Variants in VAV2 observed in about 807,000 individuals in gnomAD.
VAV2 encodes the protein guanine nucleotide exchange factor VAV2.
Under a neutral mutation model 132.5 loss-of-function variants are expected in VAV2, and 67 were observed. The observed-to-expected ratio is 0.51, with a 90% CI of 0.42 to 0.62. The LOEUF (loss-of-function observed/expected upper bound fraction) is 0.62. Ranked by LOEUF, VAV2 falls within the 20% of genes least tolerant of loss-of-function variation. The pLI is 0.00. For synonymous variants in VAV2, 492 were observed against 443.5 expected, an observed-to-expected ratio of 1.11 and a Z score of -1.37; for missense variants, 938 against 1,153.6, an observed-to-expected ratio of 0.81 and a Z score of 2.71.
At chr9:133,902,901 C>T (rs2132017634) in intron 2 of VAV2, among the ~76,000 whole-genome samples, 1 of 151,980 alleles carries the variant, frequency 6.6e-6, no homozygotes, top group East Asian at 1.9e-4. Flanking sequence ...CGTGGTAAAA[C>T]CCCATCTCTA....
At chr9:133,878,486 C>T (rs1048105532) in intron 2 of VAV2, among the ~76,000 whole-genome samples, 2 of 152,292 alleles carry the variant, frequency 1.3e-5, no homozygotes, top group African/African-American at 4.8e-5. Context: ...ATGGGGGCAG[C>T]GGCACCCGCA....
intron 4 of VAV2, among the ~76,000 whole-genome samples, chr9:133,827,605 T>C (rs12350327): frequency 0.071 from 842 of 11,938 alleles, 102 homozygotes; most frequent in African/African-American, 0.15. Flanking sequence ...CGCCAGCTAC[T>C]GCTGTGCCCA....
chr9:133,920,718 T>C (rs608968), intron 2 of VAV2, among the ~76,000 whole-genome samples: 69,813 of 151,834 alleles, frequency 0.46, 17,557 homozygotes, highest in African/African-American at 0.66. Context: ...GGGGATGCTG[T>C]CTGTCACTGT....
At position 133,776,042 on chromosome 9, in the gene VAV2, G is replaced by A. The variant is rs1233249694; in HGVS notation, c.2004C>T (p.Tyr668=). 1.2e-6 allele frequency: 2 copies of A among 1,613,150 alleles called. No individual in the cohort carries two copies. The highest frequency in any genetic ancestry group is 2.2e-5 in the East Asian group (1 of 44,852). ...ISRPPSREID[Y]TAYPWFAGNM... is the part of the protein sequence containing the mutation. ...GATCCACTCACCAGGGGTATGCAGT[G>A]TAGTCGATCTCCCGGGATGGCGGCC... is the stretch of plus-strand genomic sequence containing the variant. The change falls in exon 24 of 30, where the codon TAC becomes TAT. Residue 668 remains tyrosine (Y), a synonymous_variant. Transcript: ENST00000371850.
At chr9:133,853,842 A>G (rs1027278998) in intron 3 of VAV2, among the ~76,000 whole-genome samples, 13 of 152,070 alleles carry the variant, frequency 8.5e-5, no homozygotes, top group Non-Finnish European at 4.4e-5. Flanking sequence ...AGAACCTGCA[A>G]CCAAGCCCCA....
At chr9:133,806,809 C>T (rs1182341261) in intron 8 of VAV2, among the ~76,000 whole-genome samples, 1 of 152,244 alleles carries the variant, frequency 6.6e-6, no homozygotes, top group African/African-American at 2.4e-5. Context: ...GAAGCCCACC[C>T]ATGCACGGCT....
chr9:133,891,873 C>T (rs1258568822), intron 2 of VAV2, among the ~76,000 whole-genome samples: 6 of 52,840 alleles, frequency 1.1e-4, no homozygotes, highest in Middle Eastern at 0.01. Flanking sequence ...GGAGGGGAGG[C>T]ATGGGGATGG....
rs148881584 is a variant in VAV2 at position 133,964,340 on chromosome 9, A to G, written c.205-25121T>C. On this transcript the variant is annotated intron_variant, in intron 1 of 29. Transcript: ENST00000371850. ...TATATATATACACATATGTATATAC[A>G]CACACACACAAATACATGTATTTAC... Among the ~76,000 whole-genome samples the G allele has an allele frequency of 3.6e-3, 540 of 151,362 alleles. 6 individuals are homozygous for G. The highest frequency in any genetic ancestry group is 0.012 in the African/African-American group (507 of 41,366).
At position 133,989,354 on chromosome 9, in the gene VAV2, AC is replaced by A. The variant is rs1340197717; in HGVS notation, c.204+2720del. 3.6e-3 allele frequency among the ~76,000 whole-genome samples: 479 copies of A among 134,898 alleles called. 7 individuals carry two copies. Among genetic ancestry groups the A allele is most frequent in the African/African-American group, 9.5e-3 (342 of 35,968 alleles). 88.5% of individuals were successfully genotyped at this position (134,898 alleles called of 152,430 possible). ...AACTCCATCTCAAAAAAAAAAAAAA[AC>A]AAAAAATACAAAAAATTAGCCGGGC... On this transcript the variant is annotated intron_variant, in intron 1 of 29. Transcript: ENST00000371850.
chr9:133,931,409 C>CG (rs1044044215), intron 2 of VAV2, among the ~76,000 whole-genome samples: 1 of 151,860 alleles, frequency 6.6e-6, no homozygotes, highest in Non-Finnish European at 1.5e-5. Flanking sequence ...AGGGGGCCCC[C>CG]CTCCTGCAGG....
Position 133,969,859 on chromosome 9 carries a change from A to G in VAV2, c.204+22216T>C, listed in dbSNP as rs1188382844. The stretch of plus-strand genomic sequence containing the variant: ...GGCCTCCCTCTCCAGGTGTCCCTGT[A>G]GTGCAGACACAGTGGAGCTTTCCAA... On this transcript the variant is annotated intron_variant, in intron 1 of 29. Transcript: ENST00000371850. This position sits in a 1 kb window ranked among gnomAD's most constrained non-coding sequence, Gnocchi z 5.1. Among the ~76,000 whole-genome samples, 2 of 151,822 alleles carry G rather than the reference A, an allele frequency of 1.3e-5. No individual in the cohort carries two copies. Among genetic ancestry groups the G allele is most frequent in the Admixed American group, 6.6e-5 (1 of 15,266 alleles).
Position 133,798,222 on chromosome 9 carries a change from G to C in VAV2, c.837-413C>G, listed in dbSNP as rs1588190499. On this transcript the variant is annotated intron_variant, in intron 9 of 29. Coordinates refer to ENST00000371850, the MANE Select transcript of VAV2 (RefSeq NM_001134398.2). Reference sequence around the variant, plus strand: ...CTTGCCCCCAGGCCCTGAGCACCGAGGCCTGCACTGGCTCAGGGCTCACCC... The same window carrying C: ...CTTGCCCCCAGGCCCTGAGCACCGACGCCTGCACTGGCTCAGGGCTCACCC... Among the ~76,000 whole-genome samples, 5 of 152,216 alleles carry C rather than the reference G, an allele frequency of 3.3e-5. 1 individual carries two copies. In the South Asian group the frequency reaches 1.0e-3, roughly 32 times the overall value.
Position 133,840,262 on chromosome 9 carries a change from C to T in VAV2, c.381-5922G>A, listed in dbSNP as rs369192908. 1.9e-3 allele frequency among the ~76,000 whole-genome samples: 293 copies of T among 152,338 alleles called. 1 individual carries two copies. In the Middle Eastern group the frequency reaches 0.024, roughly 12 times the overall value. On this transcript the variant is annotated intron_variant, in intron 3 of 29. Coordinates refer to ENST00000371850, the MANE Select transcript of VAV2 (RefSeq NM_001134398.2). The surrounding 1 kb of genome is among the most constrained non-coding windows in gnomAD (Gnocchi z 4.5). ...CTTCGGGAAGCAGAGTTTCCCACTG[C>T]ACCGCCGAGGGGACGAAGCAGATGT...
Position 133,768,429 on chromosome 9 carries a change from T to C in VAV2, c.2589+13A>G. ...CGAGGCCAGCCCCACACCCTCAGGGTGGGGCCACTCACCCGTCCGTTGGTC... is the reference window on the plus strand; with the variant it reads ...CGAGGCCAGCCCCACACCCTCAGGGCGGGGCCACTCACCCGTCCGTTGGTC... On this transcript the variant is annotated intron_variant, in intron 29 of 29. Coordinates refer to ENST00000371850, the MANE Select transcript of VAV2 (RefSeq NM_001134398.2). This position sits in a 1 kb window ranked among gnomAD's most constrained non-coding sequence, Gnocchi z 5.3. 6.2e-7 allele frequency: 1 copy of C among 1,610,618 alleles called. No individual in the cohort carries two copies. Among genetic ancestry groups the C allele is most frequent in the South Asian group, 1.1e-5 (1 of 90,886 alleles).
chr9:133,821,147 G>A (rs982952153), intron 4 of VAV2, among the ~76,000 whole-genome samples: 13 of 152,224 alleles, frequency 8.5e-5, no homozygotes. Flanking sequence ...GTCACACACT[G>A]ATCCTTTTCA....
At chr9:133,787,165 T>G in intron 16 of VAV2, 81 bp downstream of exon 16, 4 of 1,425,798 alleles carry the variant, frequency 2.8e-6, no homozygotes, top group Non-Finnish European at 3.7e-6. Context: ...GGCCCCTGGG[T>G]CCCCTGGCTC....
intron 2 of VAV2, among the ~76,000 whole-genome samples, chr9:133,904,415 C>A (rs2519790): frequency 1.3e-4 from 20 of 152,156 alleles, no homozygotes; most frequent in African/African-American, 4.3e-4. Flanking sequence ...TCATGTCCTC[C>A]AGGGTCCCGT....
rs1840227824 is a variant in VAV2 at position 133,919,780 on chromosome 9, C to G, written c.321+19323G>C. Among the ~76,000 whole-genome samples, 1 of 152,200 alleles carries G rather than the reference C, an allele frequency of 6.6e-6. No homozygotes were observed. The highest frequency in any genetic ancestry group is 6.5e-5 in the Admixed American group (1 of 15,284). On this transcript the variant is annotated intron_variant, in intron 2 of 29. Transcript: ENST00000371850. This position sits in a 1 kb window ranked among gnomAD's most constrained non-coding sequence, Gnocchi z 5.8. ...CAGCGCATTCTTGGCATCCGTGAGG[C>G]AGAGACATGGAAGATGGAAGGTCCC... is the stretch of plus-strand genomic sequence containing the variant.
At chr9:133,874,160 G>A (rs1838171029) in intron 2 of VAV2, among the ~76,000 whole-genome samples, 2 of 152,210 alleles carry the variant, frequency 1.3e-5, no homozygotes, top group Non-Finnish European at 2.9e-5. Flanking sequence ...TGAAGCTGAG[G>A]GACAAACCAC....
Sources: gnomAD v4.1 joint callset for allele counts (sites outside exome capture counted in the v4.1 genomes callset) on GRCh38, gnomAD v4.1.1 for gene constraint, Gnocchi (gnomAD v3.1) non-coding constraint, MANE v1.5 for transcripts, NCBI Gene and HGNC (gene_info 2026-07-23, HGNC 2026-07-21) for gene names.